VPS8: variants seen among roughly 807,000 people sequenced by gnomAD.
The protein encoded by VPS8 is VPS8 subunit of CORVET complex, also known as vacuolar protein sorting-associated protein 8 homolog.
VPS8 carries 129 observed loss-of-function variants against 216.4 expected under a neutral mutation model. The ratio of observed to expected loss-of-function variants is 0.60; its 90% CI spans 0.52 to 0.69. The LOEUF is 0.69. Ranked by LOEUF, VPS8 falls within the 30% of genes least tolerant of loss-of-function variation. The pLI, the probability that VPS8 is intolerant of heterozygous loss-of-function variation, is 0.00. For synonymous variants in VPS8, 571 were observed against 565.4 expected (o/e 1.01, Z -0.14); for missense variants, 1,531 against 1,683.5 (o/e 0.91, Z 1.59).
At chr3:185,023,677 TA>T (rs374629986) in intron 45 of VPS8, among the ~76,000 whole-genome samples, 2,529 of 150,158 alleles carry the variant, frequency 0.017, 35 homozygotes, top group Admixed American at 0.025. Context: ...AATAAATAAT[TA>T]AAAAAAAAAT....
chr3:184,989,676 T>G (rs1489279266), intron 42 of VPS8, among the ~76,000 whole-genome samples: 2 of 152,236 alleles, frequency 1.3e-5, no homozygotes, highest in Non-Finnish European at 2.9e-5. Flanking sequence ...GCTAATATTT[T>G]GTTGAGGATT....
rs184380045 is a variant in VPS8 at position 185,019,388 on chromosome 3, G to A, written c.4003-4948G>A. On this transcript the variant is annotated intron_variant, in intron 45 of 47. Coordinates refer to ENST00000625842, the MANE Select transcript of VPS8 (RefSeq NM_001009921.3). ...CACACAGAAATACAGTGTGTGGAGT[G>A]GAAAATCAGGAGTCTCAGCCTTCAG... 2.1e-3 allele frequency among the ~76,000 whole-genome samples: 324 copies of A among 152,196 alleles called. 1 individual carries two copies. The highest frequency in any genetic ancestry group is 3.7e-3 in the Non-Finnish European group (254 of 68,010).
At chr3:185,002,434 C>G (rs1217156824) in intron 45 of VPS8, among the ~76,000 whole-genome samples, 2 of 152,120 alleles carry the variant, frequency 1.3e-5, no homozygotes, top group African/African-American at 4.8e-5. Flanking sequence ...GTTCGGAAAC[C>G]ATTTAATTTT....
At chr3:184,953,668 T>C (rs1182951186) in intron 36 of VPS8, among the ~76,000 whole-genome samples, 1 of 152,240 alleles carries the variant, frequency 6.6e-6, no homozygotes, top group Non-Finnish European at 1.5e-5. Context: ...TTATCTTTAA[T>C]TTCTACAGGG....
At chr3:184,863,441 ACAGACAGGT>A (rs1726750399) in intron 16 of VPS8, among the ~76,000 whole-genome samples, 1 of 152,208 alleles carries the variant, frequency 6.6e-6, no homozygotes, top group Non-Finnish European at 1.5e-5. Context: ...ATAAATAACT[ACAGACAGGT>A]ACTCTATGAG....
chr3:184,994,975 C>G (rs1340976377), intron 43 of VPS8, among the ~76,000 whole-genome samples: 4 of 152,190 alleles, frequency 2.6e-5, no homozygotes, highest in Non-Finnish European at 5.9e-5. Context: ...ATACCGTCTG[C>G]TCTTGTGAAA....
chr3:184,820,947 A>G (rs904852544), intron 1 of VPS8, among the ~76,000 whole-genome samples: 2 of 152,240 alleles, frequency 1.3e-5, no homozygotes, highest in African/African-American at 4.8e-5. Context: ...CATTCAGCTC[A>G]TGAAGAACTG....
At position 184,832,747 on chromosome 3, in the gene VPS8, C is replaced by T. The variant is rs373666551; in HGVS notation, c.281C>T (p.Thr94Ile). ...GATCCTACATTGTTAAACATTGATA[C>T]TATTGATTCTCACTCCTATGATACT... ...LEDPTLLNID[T>I]IDSHSYDTSS... is the part of the protein sequence containing the mutation. The change falls in exon 4 of 48, where the codon ACT (threonine) becomes ATT (isoleucine). Residue 94 changes from threonine to isoleucine, a missense_variant. Physicochemically the swap from Thr to Ile is moderately conservative, Grantham distance 89 (BLOSUM62 -1). Transcript: ENST00000625842. 7 of 1,608,318 alleles carry T rather than the reference C, an allele frequency of 4.4e-6. No homozygotes were observed. The African/African-American group carries it at 6.7e-5, about 15-fold the overall frequency.
At chr3:184,912,047 C>G (rs941854362) in intron 25 of VPS8, among the ~76,000 whole-genome samples, 1 of 152,154 alleles carries the variant, frequency 6.6e-6, no homozygotes, top group African/African-American at 2.4e-5. Context: ...TTCCCTGTAA[C>G]CATTCGTCCT....
chr3:184,834,510 GAAAA>G (rs577471414), intron 4 of VPS8, 135 bp from the exon 5 acceptor site: 14 of 632,798 alleles, frequency 2.2e-5, no homozygotes, highest in Admixed American at 6.4e-5. Flanking sequence ...AATAATAAAA[GAAAA>G]AAAAACAGAT....
Position 184,966,679 on chromosome 3 carries a change from A to C in VPS8, c.3282A>C (p.Gln1094His), listed in dbSNP as rs774965445. The change falls in exon 39 of 48, where the codon CAA (glutamine) becomes CAC (histidine). Residue 1094 changes from glutamine to histidine, a missense_variant. Physicochemically the swap from Gln to His is conservative, Grantham distance 24. Around this residue, in one of 3 missense-constraint regions of VPS8, gnomAD observed 1,318 missense variants for 1,468.4 expected, o/e 0.90. Transcript: ENST00000625842. ...GAFLIMLERL[Q>H]SKLQEVTHQG... Reference sequence around the variant, plus strand: ...TTCTTTTTATCTCCTAGAGACTACAAAGCAAACTTCAAGAGGTAACACATC... The same window carrying C: ...TTCTTTTTATCTCCTAGAGACTACACAGCAAACTTCAAGAGGTAACACATC... 5.0e-6 allele frequency: 8 copies of C among 1,593,644 alleles called. No homozygotes were observed. The Admixed American group carries it at 1.4e-4, about 27-fold the overall frequency.
At position 184,826,146 on chromosome 3, in the gene VPS8, T is replaced by C; in HGVS notation, c.154-17T>C. 6.3e-7 allele frequency: 1 copy of C among 1,590,882 alleles called. No individual in the cohort carries two copies. Among genetic ancestry groups the C allele is most frequent in the Non-Finnish European group, 8.6e-7 (1 of 1,166,672 alleles). On this transcript the variant is annotated splice_polypyrimidine_tract_variant and intron_variant, in intron 2 of 47. Transcript: ENST00000625842. ...AAAGGCATCATTTTGTGAGCACTAT[T>C]TTTTTTCTTTATTTAGATTGATGAC...
intron 1 of VPS8, among the ~76,000 whole-genome samples, chr3:184,814,476 C>A (rs1715879895): frequency 6.6e-6 from 1 of 152,228 alleles, no homozygotes; most frequent in African/African-American, 2.4e-5. Context: ...GTCTGCTACA[C>A]ACCTAGACTA....
intron 40 of VPS8, among the ~76,000 whole-genome samples, chr3:184,975,424 G>A (rs116488688): frequency 0.012 from 1,800 of 151,674 alleles, 40 homozygotes; most frequent in African/African-American, 0.042. Context: ...CACTGAATTC[G>A]TTTATCAGTT....
chr3:185,003,939 G>C (rs549273998), intron 45 of VPS8, among the ~76,000 whole-genome samples: 1 of 150,082 alleles, frequency 6.7e-6, no homozygotes, highest in Non-Finnish European at 1.5e-5. Flanking sequence ...GGGCAGAGGC[G>C]CTCCCCACAT....
At chr3:184,832,193 A>G (rs1720136134) in intron 3 of VPS8, among the ~76,000 whole-genome samples, 1 of 152,086 alleles carries the variant, frequency 6.6e-6, no homozygotes, top group South Asian at 2.1e-4. Context: ...TACTTTTCCC[A>G]TGGACAAAAT....
At chr3:184,992,165 C>T (rs1467733496) in intron 42 of VPS8, among the ~76,000 whole-genome samples, 2 of 152,106 alleles carry the variant, frequency 1.3e-5, no homozygotes, top group Admixed American at 1.3e-4. Context: ...CACTAGAACC[C>T]AGAAGAGAAA....
intron 2 of VPS8, 97 bp downstream of exon 2, chr3:184,824,882 G>T: frequency 8.6e-7 from 1 of 1,161,146 alleles, no homozygotes; most frequent in Non-Finnish European, 1.2e-6. Flanking sequence ...ATTTTTGCAT[G>T]GGTTAATAGG....
At chr3:184,861,120 C>A (rs1335508391) in intron 15 of VPS8, among the ~76,000 whole-genome samples, 1 of 152,120 alleles carries the variant, frequency 6.6e-6, no homozygotes, top group African/African-American at 2.4e-5. Context: ...CCGCACCTGG[C>A]CAACTTCTTG....
Sources: allele counts gnomAD v4.1 joint callset (sites outside exome capture counted in the v4.1 genomes callset), GRCh38; gene constraint gnomAD v4.1.1; regional missense constraint gnomAD v4.1.1; transcripts MANE v1.5; gene names NCBI Gene and HGNC (gene_info 2026-07-23, HGNC 2026-07-21).